The following NDUFAB1 variants were observed in gnomAD, a reference collection of about 807,000 sequenced individuals.
NDUFAB1 encodes acyl carrier protein, mitochondrial.
NDUFAB1 carries 5 observed loss-of-function variants against 16.1 expected under a neutral mutation model. The ratio of observed to expected loss-of-function variants is 0.31; its 90% CI spans 0.16 to 0.65. The LOEUF (loss-of-function observed/expected upper bound fraction) is 0.65. Among genes scored for constraint, NDUFAB1 ranks in the 30% least tolerant of loss-of-function variants. The pLI is 0.77. For missense variants in NDUFAB1, 187 were observed against 205.3 expected (o/e 0.91, Z 0.54); for synonymous variants, 85 against 78.4 (o/e 1.08, Z -0.44).
chr16:23,584,255 T>TAAAACAAAAAAAAAAAAAAAAAAAAAAA (rs1966212337), intron 3 of NDUFAB1, among the ~76,000 whole-genome samples: 1 of 34,064 alleles, frequency 2.9e-5, no homozygotes. Flanking sequence ...AATGATCAAT[T>TAAAACAAAAAAAAAAAAAAAAAAAAAAA]AAAAAAAAAA....
In NDUFAB1 at chr16:23,581,023, T is replaced by C. The variant is rs764544375; in HGVS notation, c.*159A>G. ...AAGATGGGGGAAAATGTTGGTTTTA[T>C]AGATTTATTTTCAAAGAGTAAAACA... On this transcript the variant is annotated 3_prime_UTR_variant, in exon 5 of 5. Coordinates refer to ENST00000007516, the MANE Select transcript of NDUFAB1 (RefSeq NM_005003.3). The C allele has an allele frequency of 4.6e-5, 7 of 152,616 alleles. No homozygotes were observed. The highest frequency in any genetic ancestry group is 1.0e-4 in the Non-Finnish European group (7 of 68,030). The allele number at this position is 152,616 out of a possible 1,614,324, so 9.5% of individuals were successfully genotyped here.
At chr16:23,589,100 C>G (rs974719931) in intron 1 of NDUFAB1, among the ~76,000 whole-genome samples, 1 of 151,986 alleles carries the variant, frequency 6.6e-6, no homozygotes, top group Non-Finnish European at 1.5e-5. Context: ...GAGTTCGACA[C>G]TAGCCTGACC....
intron 3 of NDUFAB1, 111 bp from the exon 4 acceptor site, chr16:23,582,486 A>C: frequency 7.4e-7 from 1 of 1,344,174 alleles, no homozygotes; most frequent in Non-Finnish European, 9.6e-7. Flanking sequence ...ACTTTCAGCA[A>C]CCTTGAATCC....
chr16:23,583,685 C>G (rs1370627567), intron 3 of NDUFAB1, among the ~76,000 whole-genome samples: 105 of 123,498 alleles, frequency 8.5e-4, no homozygotes, highest in South Asian at 1.8e-3. Flanking sequence ...AGTGAGGAGC[C>G]CCTCTGCCCG....
chr16:23,585,288 C>T, intron 3 of NDUFAB1, 48 bp downstream of exon 3: 2 of 1,354,772 alleles, frequency 1.5e-6, no homozygotes, highest in Non-Finnish European at 1.1e-6. Context: ...TCAGTTTAAT[C>T]CACCTTAATC....
intron 2 of NDUFAB1, among the ~76,000 whole-genome samples, chr16:23,586,222 G>A (rs1786431767): frequency 6.6e-6 from 1 of 151,692 alleles, no homozygotes; most frequent in South Asian, 2.1e-4. Flanking sequence ...CACTGCGCCT[G>A]GCCAAAGTGT....
chr16:23,595,484 C>T (rs1217235121), intron 1 of NDUFAB1: 2 of 433,214 alleles, frequency 4.6e-6, no homozygotes, highest in Non-Finnish European at 9.3e-6. Flanking sequence ...CCTCCTTATA[C>T]GCGGGGCGGC....
chr16:23,595,513 T>A (rs776076021), intron 1 of NDUFAB1: 3 of 452,394 alleles, frequency 6.6e-6, no homozygotes, highest in South Asian at 4.7e-5. Context: ...TAAATACTGG[T>A]CGCGTTTGGT....
At chr16:23,589,997 C>CGTGA in intron 1 of NDUFAB1, among the ~76,000 whole-genome samples, 1 of 149,978 alleles carries the variant, frequency 6.7e-6, no homozygotes, top group South Asian at 2.1e-4. Flanking sequence ...TGGTGGCTCA[C>CGTGA]GCCTGTAATC....
chr16:23,583,851 G>A (rs1348326271), intron 3 of NDUFAB1, among the ~76,000 whole-genome samples: 1 of 152,158 alleles, frequency 6.6e-6, no homozygotes. Context: ...AGAGAAATCA[G>A]ATTGTTGCTG....
intron 1 of NDUFAB1, among the ~76,000 whole-genome samples, chr16:23,592,472 CTTAAGGGCCA>C (rs1057002311): frequency 5.4e-4 from 82 of 152,276 alleles, no homozygotes; most frequent in African/African-American, 1.8e-3. Context: ...TCTGCAGAGC[CTTAAGGGCCA>C]TGGGAAGGGA....
At chr16:23,584,006 A>C (rs1458931648) in intron 3 of NDUFAB1, among the ~76,000 whole-genome samples, 1 of 151,876 alleles carries the variant, frequency 6.6e-6, no homozygotes, top group East Asian at 1.9e-4. Flanking sequence ...CTCAGGGTTA[A>C]ATGGATTAAG....
intron 4 of NDUFAB1, among the ~76,000 whole-genome samples, 176 bp from the exon 5 acceptor site, chr16:23,581,349 C>A (rs1966177864): frequency 6.6e-6 from 1 of 152,094 alleles, no homozygotes; most frequent in African/African-American, 2.4e-5. Flanking sequence ...AGTTCGAGAC[C>A]AGCCTGGCCA....
At chr16:23,588,398 G>A (rs1966251220) in intron 1 of NDUFAB1, among the ~76,000 whole-genome samples, 1 of 152,124 alleles carries the variant, frequency 6.6e-6, no homozygotes, top group Non-Finnish European at 1.5e-5. Context: ...AGGTTGCAGT[G>A]AGCCGAGCCT....
chr16:23,585,393 G>T lies in NDUFAB1; in HGVS notation c.322C>A (p.Leu108Met). 6.2e-7 allele frequency: 1 copy of T among 1,613,904 alleles called. No individual in the cohort carries two copies. The highest frequency in any genetic ancestry group is 8.5e-7 in the Non-Finnish European group (1 of 1,179,860). Residue 108 changes from leucine (L) to methionine (M), a missense_variant, in exon 3 of 5, where the codon CTG becomes ATG. Physicochemically the swap from Leu to Met is conservative, Grantham distance 15 (BLOSUM62 2). This residue lies in a region of NDUFAB1 where 20 missense variants were observed against 47.1 expected (regional missense o/e 0.42). Transcript: ENST00000007516. Reference protein sequence around the residue: ...LSVNSHFMKDLGLDSLDQVEI... With the variant: ...LSVNSHFMKDMGLDSLDQVEI... ...ACTTGGTCCAAACTGTCTAAGCCCA[G>T]GTCTTTCATAAAATGAGAATTTACT...
At chr16:23,589,942 GAAAAAAAAAA>G (rs57098255) in intron 1 of NDUFAB1, among the ~76,000 whole-genome samples, 20 of 70,506 alleles carry the variant, frequency 2.8e-4, no homozygotes, top group Middle Eastern at 0.021. Context: ...TCTCCAAAAA[GAAAAAAAAAA>G]AAAAAAAAAA....
At chr16:23,582,178 T>TG (rs1966184890) in intron 4 of NDUFAB1, 98 bp downstream of exon 4, 5 of 1,315,122 alleles carry the variant, frequency 3.8e-6, no homozygotes, top group Non-Finnish European at 4.9e-6. Flanking sequence ...TGAAAAATCT[T>TG]GGTCAAGCAT....
chr16:23,588,770 G>T (rs977437718), intron 1 of NDUFAB1, among the ~76,000 whole-genome samples: 25 of 152,132 alleles, frequency 1.6e-4, no homozygotes, highest in African/African-American at 5.8e-4. Flanking sequence ...TTGAGGCCAG[G>T]AGTTCGAGAC....
intron 1 of NDUFAB1, among the ~76,000 whole-genome samples, chr16:23,588,749 G>A (rs566459137): frequency 2.0e-5 from 3 of 152,276 alleles, no homozygotes; most frequent in African/African-American, 7.2e-5. Flanking sequence ...AGGCCGAGGT[G>A]AGCCAATCAC....
Sources: gnomAD v4.1 joint callset for allele counts (sites outside exome capture counted in the v4.1 genomes callset) on GRCh38, gnomAD v4.1.1 for gene constraint, gnomAD v4.1.1 regional missense constraint, MANE v1.5 for transcripts, NCBI Gene and HGNC (gene_info 2026-07-23, HGNC 2026-07-21) for gene names.